Variants in CDYL2 observed in about 807,000 individuals in gnomAD.
CDYL2 encodes the protein chromodomain Y like 2.
CDYL2 carries 23 observed loss-of-function variants against 49.4 expected under a neutral mutation model. That is an observed-to-expected ratio of 0.47 (90% CI 0.34 to 0.66). CDYL2 has a LOEUF of 0.66. Among genes scored for constraint, CDYL2 ranks in the 30% least tolerant of loss-of-function variants. The pLI is 0.01. For missense variants in CDYL2, 678 were observed against 656.4 expected (o/e 1.03, Z -0.36); for synonymous variants, 360 against 268.8 (o/e 1.34, Z -3.32).
chr16:80,632,919 C>A, intron 3 of CDYL2, 100 bp downstream of exon 3: 1 of 1,213,378 alleles, frequency 8.2e-7, no homozygotes, highest in Non-Finnish European at 1.2e-6. Flanking sequence ...AGTTACCATC[C>A]TCAGCTCCCT....
chr16:80,732,425 C>T (rs942679942), intron 1 of CDYL2, among the ~76,000 whole-genome samples: 1 of 151,616 alleles, frequency 6.6e-6, no homozygotes, highest in African/African-American at 2.4e-5. Flanking sequence ...CCACAGGTTG[C>T]AATACGGAAA....
intron 1 of CDYL2, among the ~76,000 whole-genome samples, chr16:80,716,463 T>A (rs890161645): frequency 6.6e-5 from 10 of 151,696 alleles, no homozygotes; most frequent in African/African-American, 2.4e-4. Flanking sequence ...GATGGATGAA[T>A]GGACGGATAG....
chr16:80,614,676 C>T (rs2142368102), intron 4 of CDYL2, among the ~76,000 whole-genome samples: 1 of 152,152 alleles, frequency 6.6e-6, no homozygotes, highest in East Asian at 1.9e-4. Flanking sequence ...CCAGCCTGGC[C>T]AATATGGTGA....
At chr16:80,642,337 G>A (rs984614763) in intron 2 of CDYL2, among the ~76,000 whole-genome samples, 1 of 152,128 alleles carries the variant, frequency 6.6e-6, no homozygotes, top group African/African-American at 2.4e-5. Context: ...CAGCTACTTG[G>A]GAGGCTGAGT....
chr16:80,723,710 C>A (rs867656418), intron 1 of CDYL2, among the ~76,000 whole-genome samples: 11 of 152,190 alleles, frequency 7.2e-5, no homozygotes, highest in Admixed American at 6.5e-5. Flanking sequence ...CGTTTACATA[C>A]TTCTATAGCT....
intron 2 of CDYL2, among the ~76,000 whole-genome samples, chr16:80,671,260 C>G (rs1909491900): frequency 6.6e-6 from 1 of 152,186 alleles, no homozygotes; most frequent in South Asian, 2.1e-4. Context: ...GAGGGTGGTA[C>G]AGAGTTACGG....
At chr16:80,764,934 C>T (rs1367200974) in intron 1 of CDYL2, among the ~76,000 whole-genome samples, 1 of 150,946 alleles carries the variant, frequency 6.6e-6, no homozygotes, top group African/African-American at 2.4e-5. Flanking sequence ...GTGGTTGGCG[C>T]CTGTAGTCCC....
rs578092107 is a variant in CDYL2 at position 80,733,092 on chromosome 16, A to G, written c.25-47963T>C. Among the ~76,000 whole-genome samples, 601 of 152,366 alleles carry G rather than the reference A, an allele frequency of 3.9e-3. 3 individuals are homozygous for G. Among genetic ancestry groups the G allele is most frequent in the Non-Finnish European group, 5.2e-3 (354 of 68,032 alleles). On this transcript the variant is annotated intron_variant, in intron 1 of 6. Transcript: ENST00000570137. The stretch of plus-strand genomic sequence containing the variant: ...TATATCTACTGATAACGTTCTTTCT[A>G]CAGCCATTTCTACCCCACAACCCTG...
intron 2 of CDYL2, among the ~76,000 whole-genome samples, chr16:80,637,983 T>A (rs550375458): frequency 6.6e-6 from 1 of 152,308 alleles, no homozygotes; most frequent in South Asian, 2.1e-4. Flanking sequence ...AAAATATGTA[T>A]AAGAGCCATA....
At chr16:80,606,764 T>C (rs1906354386) in intron 6 of CDYL2, among the ~76,000 whole-genome samples, 1 of 152,130 alleles carries the variant, frequency 6.6e-6, no homozygotes, top group Non-Finnish European at 1.5e-5. Context: ...ACGGGGGCAG[T>C]TTCCCCCACA....
At chr16:80,617,717 G>A (rs895610482) in intron 4 of CDYL2, among the ~76,000 whole-genome samples, 2 of 152,082 alleles carry the variant, frequency 1.3e-5, no homozygotes, top group Admixed American at 6.5e-5. Context: ...ATCCATCTTC[G>A]CTCATCGTCC....
intron 2 of CDYL2, among the ~76,000 whole-genome samples, chr16:80,634,983 G>C (rs187903558): frequency 2.2e-4 from 34 of 152,284 alleles, no homozygotes; most frequent in Admixed American, 1.1e-3. Flanking sequence ...CATGAGGCTT[G>C]AGTTGCCCTA....
intron 1 of CDYL2, among the ~76,000 whole-genome samples, chr16:80,719,366 C>T (rs1033023342): frequency 1.6e-4 from 24 of 152,200 alleles, no homozygotes; most frequent in African/African-American, 5.3e-4. Context: ...ACTAGGAACA[C>T]GAATGACCCA....
intron 3 of CDYL2, among the ~76,000 whole-genome samples, chr16:80,621,803 T>C (rs1328736428): frequency 6.6e-6 from 1 of 152,182 alleles, no homozygotes; most frequent in Admixed American, 6.5e-5. Flanking sequence ...ATGTATGCCC[T>C]AGGATTTTTA....
chr16:80,789,931 G>A (rs564364003), intron 1 of CDYL2, among the ~76,000 whole-genome samples: 1 of 152,120 alleles, frequency 6.6e-6, no homozygotes, highest in African/African-American at 2.4e-5. Context: ...ATGTGAGGGG[G>A]ATGAGGGTTG....
chr16:80,712,467 T>C (rs1389135399), intron 1 of CDYL2, among the ~76,000 whole-genome samples: 2 of 151,930 alleles, frequency 1.3e-5, no homozygotes, highest in African/African-American at 2.4e-5. Flanking sequence ...CACATCTCCC[T>C]GTTTCCTCAC....
chr16:80,654,605 T>C (rs997337866), intron 2 of CDYL2, among the ~76,000 whole-genome samples: 3 of 152,152 alleles, frequency 2.0e-5, no homozygotes, highest in Non-Finnish European at 4.4e-5. Context: ...CCGGGTGGGC[T>C]CAGGCTCATA....
intron 2 of CDYL2, 89 bp downstream of exon 2, chr16:80,684,448 TG>T: frequency 8.4e-7 from 1 of 1,188,542 alleles, no homozygotes; most frequent in Non-Finnish European, 1.2e-6. Flanking sequence ...GGGATGGAGG[TG>T]GGGGTCTTAT....
At position 80,710,947 on chromosome 16, in the gene CDYL2, TG is replaced by T. The variant is rs1225773906; in HGVS notation, c.25-25819del. ...TTTTAGTTTCATGAATACATATTTT[TG>T]TAACAGTACAAATCTGAATCCTGAA... On this transcript the variant is annotated intron_variant, in intron 1 of 6. Transcript: ENST00000570137. 5.9e-5 allele frequency among the ~76,000 whole-genome samples: 9 copies of T among 152,376 alleles called. No individual in the cohort carries two copies. In the East Asian group the frequency reaches 1.7e-3, roughly 29 times the overall value.
Sources: allele counts gnomAD v4.1 joint callset (sites outside exome capture counted in the v4.1 genomes callset), GRCh38; gene constraint gnomAD v4.1.1; transcripts MANE v1.5; gene names NCBI Gene and HGNC (gene_info 2026-07-23, HGNC 2026-07-21).